The following DENND1B variants were observed in gnomAD, a reference collection of about 807,000 sequenced individuals.
DENND1B encodes the protein DENN domain-containing protein 1B.
A neutral mutation model predicts 90.1 loss-of-function variants in DENND1B; 59 were observed. The observed-to-expected ratio is 0.65, with a 90% CI of 0.53 to 0.81. The LOEUF is 0.81. Among genes scored for constraint, DENND1B ranks in the 40% least tolerant of loss-of-function variants. The pLI is 0.00. For synonymous variants in DENND1B, 337 were observed against 324.6 expected (o/e 1.04, Z -0.41); for missense variants, 862 against 912.6 (o/e 0.94, Z 0.71).
chr1:197,650,746 T>C (rs186473724), intron 7 of DENND1B, among the ~76,000 whole-genome samples: 1 of 152,346 alleles, frequency 6.6e-6, no homozygotes, highest in East Asian at 1.9e-4. Context: ...ACTATTATTC[T>C]AAGTGAAGTG....
At chr1:197,756,753 T>TG (rs1367078989) in intron 2 of DENND1B, among the ~76,000 whole-genome samples, 3 of 151,664 alleles carry the variant, frequency 2.0e-5, no homozygotes, top group African/African-American at 7.3e-5. Context: ...TTAAAACAGA[T>TG]GAACATTAGA....
At chr1:197,716,943 AT>A (rs1451085445) in intron 2 of DENND1B, among the ~76,000 whole-genome samples, 3 of 151,426 alleles carry the variant, frequency 2.0e-5, no homozygotes, top group Non-Finnish European at 3.0e-5. Flanking sequence ...CCTCACTACC[AT>A]TTTTTTTCTG....
chr1:197,512,536 A>T (rs893923593), intron 21 of DENND1B, among the ~76,000 whole-genome samples: 39 of 151,598 alleles, frequency 2.6e-4, no homozygotes, highest in Admixed American at 2.0e-3. Flanking sequence ...CTTTCTATTG[A>T]CTATTATCAC....
rs778183682 is a variant in DENND1B, at chr1:197,545,979, T to C, written c.1293A>G (p.Ala431=). The C allele has an allele frequency of 2.5e-6, 4 of 1,601,570 alleles. No homozygotes were observed. Among genetic ancestry groups the C allele is most frequent in the Non-Finnish European group, 2.5e-6 (3 of 1,177,054 alleles). The stretch of plus-strand genomic sequence containing the variant: ...CTTTGGTCATTGCTGTGTTGAACAG[T>C]GCACCTCCTTTCTGCAAAAGAAAAA... ...QWVHTVKKGG[A]LFNTAMTKAT... Residue 431 remains alanine, a synonymous_variant, in exon 18 of 23, where the codon GCA becomes GCG. Coordinates refer to ENST00000620048, the MANE Select transcript of DENND1B (RefSeq NM_001195215.2).
intron 18 of DENND1B, among the ~76,000 whole-genome samples, chr1:197,543,245 A>G (rs1571809410): frequency 6.6e-6 from 1 of 152,088 alleles, no homozygotes; most frequent in East Asian, 1.9e-4. Flanking sequence ...AAAGAATAGA[A>G]TTTTTAATTT....
rs748214414 is a variant in DENND1B, at chr1:197,511,961, C to T, written c.1599-17G>A. ...GAAGATAACCTGAAGAAAAATAAAA[C>T]ACGCAGTAGTAGGTAAATAACCATA... is the stretch of plus-strand genomic sequence containing the variant. On this transcript the variant is annotated splice_polypyrimidine_tract_variant and intron_variant, in intron 21 of 22. Transcript: ENST00000620048. 6.3e-7 allele frequency: 1 copy of T among 1,585,744 alleles called. No homozygotes were observed. Among genetic ancestry groups the T allele is most frequent in the Non-Finnish European group, 8.6e-7 (1 of 1,161,638 alleles).
intron 2 of DENND1B, chr1:197,735,734 T>A (rs760945009): frequency 1.2e-6 from 2 of 1,613,394 alleles, no homozygotes; most frequent in Non-Finnish European, 1.7e-6. Context: ...AGTTTCTTAA[T>A]GCAAAATGCG....
chr1:197,600,646 T>C (rs1385996797), intron 13 of DENND1B, among the ~76,000 whole-genome samples: 2 of 151,846 alleles, frequency 1.3e-5, no homozygotes, highest in African/African-American at 2.4e-5. Flanking sequence ...ATTTCTGTTA[T>C]AGCAGCTTAG....
intron 2 of DENND1B, among the ~76,000 whole-genome samples, chr1:197,742,661 T>C (rs954241528): frequency 3.9e-5 from 6 of 152,200 alleles, no homozygotes; most frequent in Non-Finnish European, 7.3e-5. Context: ...TCTCCCTGGC[T>C]TTCTGTCTGA....
intron 3 of DENND1B, chr1:197,685,619 T>C (rs1284741074): frequency 6.6e-6 from 1 of 152,188 alleles, no homozygotes; most frequent in East Asian, 1.9e-4. Context: ...TGCCCATTAA[T>C]GTTATTTATG....
intron 10 of DENND1B, among the ~76,000 whole-genome samples, chr1:197,627,982 C>T (rs1280519935): frequency 6.6e-6 from 1 of 152,026 alleles, no homozygotes; most frequent in African/African-American, 2.4e-5. Context: ...TGTGAAGGAC[C>T]TCTTCAAGGA....
chr1:197,564,488 A>T (rs1236064278), intron 15 of DENND1B, among the ~76,000 whole-genome samples: 1 of 145,556 alleles, frequency 6.9e-6, no homozygotes, highest in Non-Finnish European at 1.5e-5. Context: ...CAATTAAGGT[A>T]TGTACATTTT....
intron 2 of DENND1B, among the ~76,000 whole-genome samples, chr1:197,763,001 T>C (rs768699299): frequency 5.6e-4 from 85 of 152,272 alleles, no homozygotes; most frequent in Non-Finnish European, 1.0e-3. Context: ...GGAAAAAAGA[T>C]AAAATCACCA....
At chr1:197,715,852 T>G (rs1660595459) in intron 2 of DENND1B, among the ~76,000 whole-genome samples, 1 of 151,880 alleles carries the variant, frequency 6.6e-6, no homozygotes, top group Non-Finnish European at 1.5e-5. Context: ...GCCATATACT[T>G]ATTGTTTAAT....
chr1:197,765,657 C>T lies in DENND1B; in HGVS notation c.82+7211G>A, dbSNP rs75681599. 8.4e-3 allele frequency among the ~76,000 whole-genome samples: 1,281 copies of T among 152,266 alleles called. 17 individuals are homozygous for T. The highest frequency in any genetic ancestry group is 0.028 in the African/African-American group (1,174 of 41,542). On this transcript the variant is annotated intron_variant, in intron 2 of 22. Coordinates refer to ENST00000620048, the MANE Select transcript of DENND1B (RefSeq NM_001195215.2). ...ACAAACTTGCACTGTGGCAACACAG[C>T]AGTGACAAAACAACAGTCTTAAAGC... is the stretch of plus-strand genomic sequence containing the variant.
chr1:197,545,592 TAC>T (rs1291558337), intron 18 of DENND1B: 4 of 214,930 alleles, frequency 1.9e-5, no homozygotes, highest in Non-Finnish European at 2.7e-5. Flanking sequence ...GAGCCGCAAG[TAC>T]ACAGCAAGAA....
intron 1 of DENND1B, chr1:197,774,726 C>G (rs1168200532): frequency 1.3e-5 from 2 of 157,656 alleles, no homozygotes; most frequent in African/African-American, 4.8e-5. Flanking sequence ...ATAATAACCT[C>G]TTAACCTCAA....
At chr1:197,663,385 C>G (rs967495279) in intron 5 of DENND1B, among the ~76,000 whole-genome samples, 1 of 152,066 alleles carries the variant, frequency 6.6e-6, no homozygotes, top group Non-Finnish European at 1.5e-5. Context: ...AGTGGAACTA[C>G]TCTATAACGT....
At chr1:197,670,443 C>CTGTATGTGTGTGTG (rs1553320872) in intron 5 of DENND1B, among the ~76,000 whole-genome samples, 5 of 99,538 alleles carry the variant, frequency 5.0e-5, no homozygotes, top group African/African-American at 2.0e-4. Flanking sequence ...GGGGGGAAGA[C>CTGTATGTGTGTGTG]TGTGTGTGTG....
Sources: gnomAD v4.1 joint callset for allele counts (sites outside exome capture counted in the v4.1 genomes callset) on GRCh38, gnomAD v4.1.1 for gene constraint, MANE v1.5 for transcripts, NCBI Gene and HGNC (gene_info 2026-07-23, HGNC 2026-07-21) for gene names.